GNAQ: variants seen among roughly 807,000 people sequenced by gnomAD.
The protein encoded by GNAQ is guanine nucleotide-binding protein G(q) subunit alpha.
A neutral mutation model predicts 43.9 loss-of-function variants in GNAQ; 8 were observed. The ratio of observed to expected loss-of-function variants is 0.18; its 90% CI spans 0.11 to 0.33. The LOEUF is 0.33. Among genes scored for constraint, GNAQ ranks in the 10% least tolerant of loss-of-function variants. The pLI, the probability that GNAQ is intolerant of heterozygous loss-of-function variation, is 1.00. For synonymous variants in GNAQ, 155 were observed against 170.7 expected (o/e 0.91, Z 0.71); for missense variants, 158 against 450.8 (o/e 0.35, Z 5.88).
chr9:77,773,134 G>T (rs1826252197), intron 5 of GNAQ, among the ~76,000 whole-genome samples: 1 of 152,132 alleles, frequency 6.6e-6, no homozygotes, highest in Non-Finnish European at 1.5e-5. Flanking sequence ...TATTGTAAAA[G>T]AAATTTTCTT....
chr9:77,845,911 G>C (rs1387476067), intron 2 of GNAQ, among the ~76,000 whole-genome samples: 1 of 152,194 alleles, frequency 6.6e-6, no homozygotes, highest in Non-Finnish European at 1.5e-5. Context: ...GTTGCTTAAA[G>C]TGGGAGTCAT....
At chr9:77,889,936 T>C (rs1240763759) in intron 2 of GNAQ, among the ~76,000 whole-genome samples, 3 of 152,166 alleles carry the variant, frequency 2.0e-5, no homozygotes, top group Admixed American at 6.5e-5. Flanking sequence ...CAAAGTCAAA[T>C]TGTATTAATT....
intron 2 of GNAQ, among the ~76,000 whole-genome samples, chr9:77,837,778 T>C (rs2118568931): frequency 6.6e-6 from 1 of 151,868 alleles, no homozygotes; most frequent in East Asian, 1.9e-4. Context: ...TCTATGTGCA[T>C]AAATTCCTAA....
intron 1 of GNAQ, among the ~76,000 whole-genome samples, chr9:78,016,681 C>CAA (rs199896051): frequency 7.8e-4 from 90 of 115,694 alleles, no homozygotes; most frequent in Admixed American, 9.8e-4. Flanking sequence ...GACTCTGTCT[C>CAA]AAAAAAAAAA....
chr9:77,827,387 A>C (rs1446251147), intron 2 of GNAQ, among the ~76,000 whole-genome samples: 12 of 151,466 alleles, frequency 7.9e-5, no homozygotes, highest in Admixed American at 6.6e-5. Context: ...AATAACTAAA[A>C]AAAAAAAAAA....
chr9:77,909,185 T>C (rs1828758998), intron 2 of GNAQ, among the ~76,000 whole-genome samples: 1 of 152,208 alleles, frequency 6.6e-6, no homozygotes, highest in Non-Finnish European at 1.5e-5. Context: ...TGGTATTGAT[T>C]ATTTTATGCC....
chr9:78,007,984 G>A (rs1261891278), intron 1 of GNAQ, among the ~76,000 whole-genome samples: 2 of 152,166 alleles, frequency 1.3e-5, no homozygotes, highest in Middle Eastern at 3.2e-3. Context: ...GAGCAAGAGA[G>A]AAGAAATCAA....
intron 6 of GNAQ, among the ~76,000 whole-genome samples, chr9:77,727,213 T>A (rs1416217926): frequency 6.6e-6 from 1 of 152,068 alleles, no homozygotes; most frequent in Non-Finnish European, 1.5e-5. Context: ...GATAGAGGTC[T>A]CGTTACATTG....
At chr9:77,744,253 C>T (rs997521386) in intron 5 of GNAQ, among the ~76,000 whole-genome samples, 3 of 152,282 alleles carry the variant, frequency 2.0e-5, no homozygotes, top group African/African-American at 4.8e-5. Flanking sequence ...GAAGTGCTCA[C>T]ACTACATGAG....
intron 1 of GNAQ, among the ~76,000 whole-genome samples, chr9:77,938,069 T>A (rs995842114): frequency 1.1e-4 from 16 of 152,030 alleles, no homozygotes; most frequent in Non-Finnish European, 1.9e-4. Context: ...GCCCCATATA[T>A]AAAATGGTAT....
chr9:77,880,560 T>TG (rs1828192415), intron 2 of GNAQ, among the ~76,000 whole-genome samples: 2 of 149,852 alleles, frequency 1.3e-5, no homozygotes, highest in South Asian at 4.2e-4. Flanking sequence ...TTTCTGTTTT[T>TG]TTTTTTTTGT....
intron 2 of GNAQ, among the ~76,000 whole-genome samples, chr9:77,891,530 G>A (rs1379059507): frequency 6.6e-6 from 1 of 152,196 alleles, no homozygotes; most frequent in Non-Finnish European, 1.5e-5. Flanking sequence ...AGGACATGTT[G>A]CTATTGCTCT....
chr9:77,821,586 AT>A (rs1324516111), intron 2 of GNAQ, among the ~76,000 whole-genome samples: 1 of 152,152 alleles, frequency 6.6e-6, no homozygotes, highest in Admixed American at 6.6e-5. Flanking sequence ...GAGTATGTTG[AT>A]TGATATAATT....
intron 1 of GNAQ, among the ~76,000 whole-genome samples, chr9:77,962,339 G>A (rs1823116091): frequency 6.6e-6 from 1 of 151,922 alleles, no homozygotes; most frequent in South Asian, 2.1e-4. Context: ...CAAACATCAA[G>A]CAGTAGAAAC....
intron 1 of GNAQ, among the ~76,000 whole-genome samples, chr9:77,952,336 T>G (rs1822991761): frequency 1.3e-5 from 2 of 151,642 alleles, no homozygotes; most frequent in Non-Finnish European, 2.9e-5. Context: ...CTTCAAAATT[T>G]TTCCTTGCGT....
intron 2 of GNAQ, among the ~76,000 whole-genome samples, chr9:77,857,298 C>T (rs1308924733): frequency 6.6e-6 from 1 of 152,196 alleles, no homozygotes; most frequent in East Asian, 1.9e-4. Flanking sequence ...GCATCTAGAA[C>T]TCGACCTACA....
intron 5 of GNAQ, among the ~76,000 whole-genome samples, chr9:77,767,845 T>A (rs1278663378): frequency 1.3e-5 from 2 of 152,182 alleles, no homozygotes; most frequent in East Asian, 3.9e-4. Context: ...ACCTACAACC[T>A]GCCCCTTCTG....
intron 2 of GNAQ, among the ~76,000 whole-genome samples, chr9:77,858,341 G>C (rs1564132081): frequency 6.6e-6 from 1 of 152,120 alleles, no homozygotes; most frequent in Non-Finnish European, 1.5e-5. Context: ...GAAGACCATT[G>C]CTCTAAATCC....
intron 1 of GNAQ, among the ~76,000 whole-genome samples, chr9:77,981,048 G>C (rs1333293644): frequency 6.6e-6 from 1 of 152,176 alleles, no homozygotes; most frequent in African/African-American, 2.4e-5. Flanking sequence ...GCTTCTATTA[G>C]AAAGTGAGTG....
Sources: allele counts gnomAD v4.1 joint callset (sites outside exome capture counted in the v4.1 genomes callset), GRCh38; gene constraint gnomAD v4.1.1; transcripts MANE v1.5; gene names NCBI Gene and HGNC (gene_info 2026-07-23, HGNC 2026-07-21).